SYK: variants seen among roughly 807,000 people sequenced by gnomAD.
The protein encoded by SYK is spleen associated tyrosine kinase, also known as tyrosine-protein kinase SYK.
A neutral mutation model predicts 77.8 loss-of-function variants in SYK; 16 were observed. That is an observed-to-expected ratio of 0.21 (90% confidence interval 0.14 to 0.31). The LOEUF is 0.31. Among genes scored for constraint, SYK ranks in the 10% least tolerant of loss-of-function variants. The pLI is 1.00. For missense variants in SYK, 529 were observed against 814.4 expected (o/e 0.65, Z 4.26); for synonymous variants, 312 against 308.7 (o/e 1.01, Z -0.11).
intron 11 of SYK, among the ~76,000 whole-genome samples, chr9:90,886,937 C>T (rs575279600): frequency 6.6e-6 from 1 of 151,960 alleles, no homozygotes; most frequent in African/African-American, 2.4e-5. Context: ...TATATATACA[C>T]CTCTAGAGGT....
At chr9:90,846,829 C>T (rs1280369580) in intron 3 of SYK, among the ~76,000 whole-genome samples, 1 of 152,194 alleles carries the variant, frequency 6.6e-6, no homozygotes, top group African/African-American at 2.4e-5. Context: ...AAGACATTGC[C>T]CCTCAGTGGA....
chr9:90,815,185 T>TA (rs1825244917), intron 1 of SYK, among the ~76,000 whole-genome samples: 1 of 152,198 alleles, frequency 6.6e-6, no homozygotes, highest in Non-Finnish European at 1.5e-5. Flanking sequence ...GGTAACGTGT[T>TA]TCTCACGAAG....
chr9:90,884,324 C>T (rs1828327613), intron 11 of SYK, among the ~76,000 whole-genome samples: 2 of 145,756 alleles, frequency 1.4e-5, no homozygotes, highest in Non-Finnish European at 3.0e-5. Context: ...TACACATACA[C>T]ATACGTGTAT....
At chr9:90,855,007 T>C (rs201302185) in intron 3 of SYK, among the ~76,000 whole-genome samples, 97 of 42,082 alleles carry the variant, frequency 2.3e-3, no homozygotes, top group East Asian at 2.9e-3. Flanking sequence ...CACACACACA[T>C]ACATACACAC....
intron 1 of SYK, among the ~76,000 whole-genome samples, chr9:90,821,920 G>C (rs936628851): frequency 2.6e-5 from 4 of 151,936 alleles, no homozygotes; most frequent in African/African-American, 9.7e-5. Context: ...GTCATAGTTA[G>C]TGCTGTCGGC....
intron 1 of SYK, among the ~76,000 whole-genome samples, chr9:90,816,877 C>A (rs1486723636): frequency 6.6e-6 from 1 of 152,220 alleles, no homozygotes; most frequent in East Asian, 1.9e-4. Flanking sequence ...GGATTTCCTT[C>A]TTTTTCATGG....
intron 1 of SYK, among the ~76,000 whole-genome samples, chr9:90,817,256 T>C (rs1202591702): frequency 6.6e-6 from 1 of 152,198 alleles, no homozygotes; most frequent in Admixed American, 6.5e-5. Context: ...GACAAGACTT[T>C]TTTTATTTCT....
chr9:90,811,392 T>C (rs962195443), intron 1 of SYK, among the ~76,000 whole-genome samples: 2 of 152,164 alleles, frequency 1.3e-5, no homozygotes, highest in African/African-American at 4.8e-5. Context: ...ACAACTTCAC[T>C]TTTAGGAACC....
At chr9:90,828,245 C>CG (rs1825744092) in intron 1 of SYK, among the ~76,000 whole-genome samples, 1 of 118,764 alleles carries the variant, frequency 8.4e-6, no homozygotes, top group Non-Finnish European at 1.9e-5. Context: ...GCCCCCCCCC[C>CG]CGCCCCGCCC....
intron 13 of SYK, among the ~76,000 whole-genome samples, chr9:90,894,564 G>A (rs969120969): frequency 6.6e-5 from 10 of 152,144 alleles, no homozygotes; most frequent in African/African-American, 1.4e-4. Flanking sequence ...CTCTTGTGTC[G>A]ACATTGAATC....
At chr9:90,855,037 C>CACACACACAT (rs779653843) in intron 3 of SYK, among the ~76,000 whole-genome samples, 5 of 151,360 alleles carry the variant, frequency 3.3e-5, no homozygotes, top group Non-Finnish European at 7.4e-5. Context: ...CACACACACA[C>CACACACACAT]ACTTGAGAAC....
chr9:90,853,344 G>A (rs902072314), intron 3 of SYK, among the ~76,000 whole-genome samples: 1 of 151,162 alleles, frequency 6.6e-6, no homozygotes, highest in Admixed American at 6.6e-5. Flanking sequence ...CAAAAGAGCA[G>A]GGCAGACCCA....
At chr9:90,857,741 G>A (rs1295541390) in intron 3 of SYK, among the ~76,000 whole-genome samples, 1 of 152,142 alleles carries the variant, frequency 6.6e-6, no homozygotes, top group African/African-American at 2.4e-5. Flanking sequence ...CTCTCTTTGA[G>A]AAACCACTGT....
chr9:90,871,447 T>C (rs1827723166), intron 7 of SYK, among the ~76,000 whole-genome samples: 2 of 152,382 alleles, frequency 1.3e-5, no homozygotes, highest in African/African-American at 4.8e-5. Context: ...CATTACATTT[T>C]TTAAGAATAG....
At chr9:90,894,220 T>G (rs899097928) in intron 13 of SYK, among the ~76,000 whole-genome samples, 8 of 152,184 alleles carry the variant, frequency 5.3e-5, no homozygotes, top group Admixed American at 1.3e-4. Flanking sequence ...TGTAGAAGTT[T>G]AGGAGCAAGA....
chr9:90,873,343 GAAA>G (rs765550198), intron 7 of SYK, among the ~76,000 whole-genome samples: 2 of 127,270 alleles, frequency 1.6e-5, no homozygotes. Flanking sequence ...AACTCACGCT[GAAA>G]AAAAAAAAAA....
chr9:90,806,820 T>C (rs537511557), intron 1 of SYK, among the ~76,000 whole-genome samples: 40 of 152,380 alleles, frequency 2.6e-4, no homozygotes, highest in African/African-American at 9.4e-4. Flanking sequence ...TTAGCATCTA[T>C]GTTTTACATC....
At chr9:90,853,019 AGTCCCCACCCCCACTTGT>A (rs1826878025) in intron 3 of SYK, among the ~76,000 whole-genome samples, 2 of 152,046 alleles carry the variant, frequency 1.3e-5, no homozygotes, top group South Asian at 4.2e-4. Context: ...ACTTGTTTAT[AGTCCCCACCCCCACTTGT>A]GCTGGATGCA....
At chr9:90,853,814 A>G (rs1345480203) in intron 3 of SYK, among the ~76,000 whole-genome samples, 1 of 152,144 alleles carries the variant, frequency 6.6e-6, no homozygotes, top group Non-Finnish European at 1.5e-5. Flanking sequence ...TGGCACATGT[A>G]TACATATGTA....
Sources: gnomAD v4.1 joint callset for allele counts (sites outside exome capture counted in the v4.1 genomes callset) on GRCh38, gnomAD v4.1.1 for gene constraint, MANE v1.5 for transcripts, NCBI Gene and HGNC (gene_info 2026-07-23, HGNC 2026-07-21) for gene names.